The following SMARCA2 variants were observed in gnomAD, a reference collection of about 807,000 sequenced individuals.
SMARCA2 encodes the protein SWI/SNF related BAF chromatin remodeling complex subunit ATPase 2, also known as SWI/SNF-related matrix-associated actin-dependent regulator of chromatin subfamily A member 2.
SMARCA2 carries 61 observed loss-of-function variants against 199.8 expected under a neutral mutation model. The ratio of observed to expected loss-of-function variants is 0.31; its 90% CI spans 0.25 to 0.38. The LOEUF is 0.38. SMARCA2 is among the 10% of genes least tolerant of loss of function. The probability of loss-of-function intolerance (pLI) is 1.00; values close to 1 mark genes in which losing one functional copy is unlikely to be tolerated. For missense variants in SMARCA2, 1,344 were observed against 2,012.2 expected (o/e 0.67, Z 6.35); for synonymous variants, 935 against 732.0 (o/e 1.28, Z -4.48).
intron 33 of SMARCA2, chr9:2,191,749 C>G: frequency 1.0e-5 from 2 of 200,958 alleles, no homozygotes; most frequent in South Asian, 2.1e-4. Context: ...AGCATGGTGC[C>G]TGGTACATAA....
intron 27 of SMARCA2, among the ~76,000 whole-genome samples, chr9:2,130,683 G>A (rs567332172): frequency 4.6e-5 from 7 of 151,918 alleles, no homozygotes; most frequent in Admixed American, 1.3e-4. Flanking sequence ...ATTTGCATGC[G>A]CAATTATACA....
intron 31 of SMARCA2, among the ~76,000 whole-genome samples, chr9:2,182,505 T>C (rs544278466): frequency 1.6e-3 from 187 of 117,550 alleles, no homozygotes; most frequent in South Asian, 0.011. Context: ...TTTTTTTTTT[T>C]CCTTTTTTGA....
In SMARCA2 at chr9:2,101,605, G is replaced by C; in HGVS notation, c.3114G>C (p.Gly1038=). The C allele has an allele frequency of 6.5e-7, 1 of 1,542,242 alleles. No individual in the cohort carries two copies. The highest frequency in any genetic ancestry group is 8.9e-7 in the Non-Finnish European group (1 of 1,126,102). The change falls in exon 22 of 34, where the codon GGG becomes GGC. Residue 1038 remains glycine, a synonymous_variant. Coordinates refer to ENST00000349721, the MANE Select transcript of SMARCA2 (RefSeq NM_003070.5). ...CTGAACACCTAGGCTATTCAAATGG[G>C]GTCATCAATGGGTAAATCTCAAATT... The part of the protein sequence containing the change: ...SFAEHLGYSN[G]VINGAELYRA...
chr9:2,131,089 C>G (rs1248121948), intron 27 of SMARCA2, among the ~76,000 whole-genome samples: 1 of 152,184 alleles, frequency 6.6e-6, no homozygotes, highest in African/African-American at 2.4e-5. Context: ...TTAGTGATAT[C>G]CCTGAATTTA....
In SMARCA2 at chr9:2,073,503, G is replaced by C. The variant is rs1393245368; in HGVS notation, c.1878-63G>C. The C allele has an allele frequency of 7.4e-6, 11 of 1,480,736 alleles. No homozygotes were observed. In the Admixed American group the frequency reaches 2.0e-4, roughly 27 times the overall value. 91.7% of individuals were successfully genotyped at this position (1,480,736 alleles called of 1,614,324 possible). A position where few individuals can be genotyped will look rare whatever the true frequency, so the allele number is the denominator to read the frequency against. ...TAGAATGTGCTATTAAGTCATGTGT[G>C]TCTTTATTGTATTGTAATTTAAAAA... On this transcript the variant is annotated intron_variant, in intron 11 of 33. Transcript: ENST00000349721.
At chr9:2,190,810 T>C (rs1827826521) in intron 32 of SMARCA2, among the ~76,000 whole-genome samples, 1 of 152,248 alleles carries the variant, frequency 6.6e-6, no homozygotes, top group African/African-American at 2.4e-5. Flanking sequence ...AAAAATATGA[T>C]TGAACTATTT....
rs543947989 is a variant in SMARCA2, at chr9:2,055,923, G to A, written c.1174-749G>A. Among the ~76,000 whole-genome samples the A allele has an allele frequency of 1.8e-4, 27 of 152,200 alleles. No individual in the cohort carries two copies. In the South Asian group the frequency reaches 5.4e-3, roughly 30 times the overall value. Reference sequence around the variant, plus strand: ...TCTTATTGATTTCTGATTTTTGTTTGATATTATTTTAAAAATCTGTTATTT... The same window carrying A: ...TCTTATTGATTTCTGATTTTTGTTTAATATTATTTTAAAAATCTGTTATTT... On this transcript the variant is annotated intron_variant, in intron 6 of 33. Coordinates refer to ENST00000349721, the MANE Select transcript of SMARCA2 (RefSeq NM_003070.5).
intron 27 of SMARCA2, among the ~76,000 whole-genome samples, chr9:2,144,199 T>A (rs1010483583): frequency 2.0e-5 from 3 of 152,198 alleles, no homozygotes; most frequent in African/African-American, 7.2e-5. Flanking sequence ...TATTATCTTG[T>A]GAAGGAGTCT....
rs561531242 is a variant in SMARCA2, at chr9:2,101,407, A to G, written c.3079-163A>G. ...CTGATGGAACAAAAGTCTGCATGCA[A>G]TATACTGAATTTCTGGTTCATTACG... is the stretch of plus-strand genomic sequence containing the variant. On this transcript the variant is annotated intron_variant, in intron 21 of 33. Transcript: ENST00000349721. Among the ~76,000 whole-genome samples the G allele has an allele frequency of 1.8e-4, 27 of 152,308 alleles. No homozygotes were observed. In the South Asian group the frequency reaches 5.4e-3, roughly 30 times the overall value.
In SMARCA2 at chr9:2,168,001, T is replaced by A. The variant is rs138193682; in HGVS notation, c.4200-2418T>A. Among the ~76,000 whole-genome samples the A allele has an allele frequency of 1.8e-3, 269 of 151,862 alleles. 7 individuals are homozygous for A. The East Asian group carries it at 0.04, about 22-fold the overall frequency. On this transcript the variant is annotated intron_variant, in intron 28 of 33. Transcript: ENST00000349721. ...ATCAATTCAGGACATTATAATAATATTTACCTGGGGAAATGAGCTTTTTTT... is the reference window on the plus strand; with the variant it reads ...ATCAATTCAGGACATTATAATAATAATTACCTGGGGAAATGAGCTTTTTTT...
intron 19 of SMARCA2, among the ~76,000 whole-genome samples, chr9:2,095,882 A>AT (rs1822253831): frequency 6.6e-6 from 1 of 152,210 alleles, no homozygotes; most frequent in Non-Finnish European, 1.5e-5. Flanking sequence ...GGGATTCTTT[A>AT]TTAAATAAAG....
intron 18 of SMARCA2, among the ~76,000 whole-genome samples, 162 bp from the exon 19 acceptor site, chr9:2,088,338 G>A (rs182466458): frequency 2.0e-5 from 3 of 152,312 alleles, no homozygotes; most frequent in Admixed American, 2.0e-4. Flanking sequence ...TGGTAGGCAG[G>A]TGGGAAGATA....
chr9:2,135,936 G>C (rs1045491776), intron 27 of SMARCA2, among the ~76,000 whole-genome samples: 2 of 152,090 alleles, frequency 1.3e-5, no homozygotes, highest in Non-Finnish European at 2.9e-5. Context: ...CCGCCTCCCA[G>C]GTTCAAGTAA....
chr9:2,041,719 T>G (rs1474820060), intron 4 of SMARCA2: 1 of 278,744 alleles, frequency 3.6e-6, no homozygotes, highest in African/African-American at 2.2e-5. Flanking sequence ...AGAACTGAGA[T>G]TTGGGAACAG....
At chr9:2,102,060 T>G (rs1367579992) in intron 22 of SMARCA2, among the ~76,000 whole-genome samples, 2 of 152,112 alleles carry the variant, frequency 1.3e-5, no homozygotes, top group African/African-American at 4.8e-5. Context: ...GTAAGAAATG[T>G]TTTTCATTAG....
Position 2,090,400 on chromosome 9 carries a change from G to C in SMARCA2, c.2883+1787G>C, listed in dbSNP as rs117956622. On this transcript the variant is annotated intron_variant, in intron 19 of 33. Transcript: ENST00000349721. The stretch of plus-strand genomic sequence containing the variant: ...CCATGTTATCTTTTCCTTTGGTGGA[G>C]TGGAAATCATGGGCTCTGCCTGTCA... 6.4e-3 allele frequency among the ~76,000 whole-genome samples: 970 copies of C among 152,288 alleles called. 7 individuals carry two copies. The highest frequency in any genetic ancestry group is 0.021 in the South Asian group (102 of 4,824).
rs1465711029 is a variant in SMARCA2, at chr9:2,104,939, A to T, written c.3292+770A>T. On this transcript the variant is annotated intron_variant, in intron 23 of 33. Transcript: ENST00000349721. This position sits in a 1 kb window ranked among gnomAD's most constrained non-coding sequence, Gnocchi z 4.0. Reference sequence around the variant, plus strand: ...GAATAGAAGTTAATTTACAGTCAGGATGCTATTTAATCCCTGGGTAGAAAA... The same window carrying T: ...GAATAGAAGTTAATTTACAGTCAGGTTGCTATTTAATCCCTGGGTAGAAAA... Among the ~76,000 whole-genome samples, 1 of 152,206 alleles carries T rather than the reference A, an allele frequency of 6.6e-6. No homozygotes were observed. The highest frequency in any genetic ancestry group is 1.5e-5 in the Non-Finnish European group (1 of 68,020).
intron 3 of SMARCA2, among the ~76,000 whole-genome samples, chr9:2,034,440 A>C (rs10964500): frequency 0.24 from 35,726 of 151,904 alleles, 4,371 homozygotes; most frequent in East Asian, 0.35. Context: ...AAAACTATTC[A>C]CGTACCTCAA....
At chr9:2,121,724 A>T (rs1038378034) in intron 26 of SMARCA2, among the ~76,000 whole-genome samples, 2 of 152,196 alleles carry the variant, frequency 1.3e-5, no homozygotes, top group South Asian at 2.1e-4. Context: ...AACGTCTTTT[A>T]AAAAAAGCAT....
Sources: allele counts gnomAD v4.1 joint callset (sites outside exome capture counted in the v4.1 genomes callset), GRCh38; gene constraint gnomAD v4.1.1; non-coding constraint Gnocchi (gnomAD v3.1); transcripts MANE v1.5; gene names NCBI Gene and HGNC (gene_info 2026-07-23, HGNC 2026-07-21).